Variants in MYOF observed in about 807,000 individuals in gnomAD.
The protein encoded by MYOF is myoferlin.
MYOF carries 244 observed loss-of-function variants against 284.2 expected under a neutral mutation model. The ratio of observed to expected loss-of-function variants is 0.86; its 90% CI spans 0.77 to 0.95. The LOEUF is 0.95. Among genes scored for constraint, MYOF ranks in the 40% least tolerant of loss-of-function variants. The probability of loss-of-function intolerance (pLI) is 0.00; values close to 1 mark genes in which losing one functional copy is unlikely to be tolerated. For synonymous variants in MYOF, 904 were observed against 919.7 expected, an observed-to-expected ratio of 0.98 and a Z score of 0.31; for missense variants, 2,496 against 2,560.6, an observed-to-expected ratio of 0.97 and a Z score of 0.54.
chr10:93,421,637 A>C (rs1848361442), intron 5 of MYOF, among the ~76,000 whole-genome samples: 1 of 152,102 alleles, frequency 6.6e-6, no homozygotes, highest in Non-Finnish European at 1.5e-5. Flanking sequence ...TGGTTGTTTA[A>C]AAGAGAGTGG....
intron 17 of MYOF, among the ~76,000 whole-genome samples, chr10:93,392,377 TAGG>T (rs1846739546): frequency 6.6e-6 from 1 of 152,162 alleles, no homozygotes; most frequent in Non-Finnish European, 1.5e-5. Context: ...ACATCTGCCC[TAGG>T]AGAATTGTGA....
intron 5 of MYOF, among the ~76,000 whole-genome samples, chr10:93,423,695 T>C (rs1589545497): frequency 6.6e-6 from 1 of 150,748 alleles, no homozygotes; most frequent in Non-Finnish European, 1.5e-5. Flanking sequence ...TAGCTGGACG[T>C]GGTGGCGGGC....
intron 5 of MYOF, among the ~76,000 whole-genome samples, chr10:93,412,924 C>T (rs1263803866): frequency 1.3e-5 from 2 of 152,132 alleles, no homozygotes; most frequent in African/African-American, 4.8e-5. Flanking sequence ...GTAAACCTGT[C>T]CTGGACCGAG....
intron 5 of MYOF, among the ~76,000 whole-genome samples, chr10:93,410,733 G>C (rs1589526227): frequency 1.3e-5 from 2 of 152,204 alleles, no homozygotes; most frequent in Non-Finnish European, 2.9e-5. Context: ...AGAGAGCCTA[G>C]AAGACAAGCC....
chr10:93,316,934 C>T, intron 49 of MYOF, 121 bp from the exon 50 acceptor site: 2 of 722,532 alleles, frequency 2.8e-6, no homozygotes, highest in South Asian at 1.7e-5. Flanking sequence ...CTCCCTTGGG[C>T]CTAAATCCTT....
At chr10:93,453,488 AG>A (rs1158741994) in intron 2 of MYOF, among the ~76,000 whole-genome samples, 5 of 152,132 alleles carry the variant, frequency 3.3e-5, no homozygotes, top group Non-Finnish European at 7.4e-5. Flanking sequence ...TAATAGAAAC[AG>A]GGTTTCACCA....
chr10:93,393,534 GTTC>G (rs1672927453), intron 16 of MYOF, among the ~76,000 whole-genome samples: 1 of 152,188 alleles, frequency 6.6e-6, no homozygotes, highest in Admixed American at 6.5e-5. Flanking sequence ...TCTGTTTTTA[GTTC>G]TTCTGGATGT....
intron 3 of MYOF, among the ~76,000 whole-genome samples, chr10:93,449,744 G>T (rs922896809): frequency 2.0e-5 from 3 of 152,048 alleles, no homozygotes; most frequent in Non-Finnish European, 4.4e-5. Context: ...TTCCACCTCA[G>T]CCTCCCAAAG....
At chr10:93,446,337 G>T (rs1463112797) in intron 3 of MYOF, among the ~76,000 whole-genome samples, 1 of 152,218 alleles carries the variant, frequency 6.6e-6, no homozygotes, top group Non-Finnish European at 1.5e-5. Context: ...ACTCCTTCAA[G>T]TAAGTCACTG....
intron 1 of MYOF, among the ~76,000 whole-genome samples, chr10:93,470,558 T>C (rs911748474): frequency 6.6e-6 from 1 of 151,938 alleles, no homozygotes; most frequent in Non-Finnish European, 1.5e-5. Flanking sequence ...CCCAACACCA[T>C]GCCTGGCTAA....
At chr10:93,442,880 G>A (rs1462417652) in intron 3 of MYOF, among the ~76,000 whole-genome samples, 2 of 152,050 alleles carry the variant, frequency 1.3e-5, no homozygotes, top group African/African-American at 4.8e-5. Flanking sequence ...AACACTCAGC[G>A]GGGCACGGTG....
chr10:93,450,296 G>A (rs2488104), intron 3 of MYOF, among the ~76,000 whole-genome samples: 99,815 of 152,092 alleles, frequency 0.66, 33,079 homozygotes, highest in East Asian at 0.77. Context: ...GGAGGCTGAG[G>A]CAGGAGAATC....
At chr10:93,478,135 A>G in intron 1 of MYOF, 1 of 166,090 alleles carries the variant, frequency 6.0e-6, no homozygotes, top group Non-Finnish European at 1.2e-5. Flanking sequence ...AATTTTAGAA[A>G]TTAAAAATAT....
intron 12 of MYOF, 66 bp downstream of exon 12, chr10:93,401,352 G>T: frequency 1.3e-6 from 2 of 1,585,136 alleles, no homozygotes; most frequent in South Asian, 1.2e-5. Flanking sequence ...ATTAAAGTTT[G>T]ATTTTTAACA....
chr10:93,379,883 G>C lies in MYOF; in HGVS notation c.1981C>G (p.Leu661Val). The change falls in exon 21 of 54, where the codon CTA becomes GTA. Residue 661 changes from leucine to valine, a missense_variant. Leu to Val is a conservative substitution (Grantham distance 32). Around this residue, in one of 3 missense-constraint regions of MYOF, gnomAD observed 2,436 missense variants for 2,480.7 expected, o/e 0.98. Coordinates refer to ENST00000359263, the MANE Select transcript of MYOF (RefSeq NM_013451.4). The part of the protein sequence containing the change: ...SHRLDAVNTL[L>V]AMAERLQTNI... Reference sequence around the variant, plus strand: ...CTTACCAGCCGTTCTGCCATAGCTAGGAGAGTGTTCACCGCATCCAGGCGA... The same window carrying C: ...CTTACCAGCCGTTCTGCCATAGCTACGAGAGTGTTCACCGCATCCAGGCGA... 6.2e-7 allele frequency: 1 copy of C among 1,614,080 alleles called. No homozygotes were observed. Among genetic ancestry groups the C allele is most frequent in the Non-Finnish European group, 8.5e-7 (1 of 1,179,962 alleles).
At chr10:93,464,999 A>G (rs1453802892) in intron 1 of MYOF, among the ~76,000 whole-genome samples, 1 of 152,128 alleles carries the variant, frequency 6.6e-6, no homozygotes, top group East Asian at 1.9e-4. Flanking sequence ...CCTGAACCAC[A>G]CCCATACATG....
chr10:93,463,764 C>T (rs893516278), intron 1 of MYOF, among the ~76,000 whole-genome samples: 1 of 150,220 alleles, frequency 6.7e-6, no homozygotes, highest in Non-Finnish European at 1.5e-5. Flanking sequence ...CCCAGCTACT[C>T]AGGAGGCTGA....
intron 41 of MYOF, among the ~76,000 whole-genome samples, chr10:93,334,842 T>C (rs538958719): frequency 2.6e-5 from 4 of 152,248 alleles, no homozygotes; most frequent in South Asian, 4.2e-4. Context: ...TCTTGTGCCA[T>C]ATGTGATTGC....
chr10:93,394,189 C>T (rs960908751), intron 16 of MYOF, among the ~76,000 whole-genome samples: 2 of 152,074 alleles, frequency 1.3e-5, no homozygotes, highest in Non-Finnish European at 2.9e-5. Context: ...GCAACCTCCA[C>T]CTCCAGGATT....
Sources: gnomAD v4.1 joint callset for allele counts (sites outside exome capture counted in the v4.1 genomes callset) on GRCh38, gnomAD v4.1.1 for gene constraint, gnomAD v4.1.1 regional missense constraint, MANE v1.5 for transcripts, NCBI Gene and HGNC (gene_info 2026-07-23, HGNC 2026-07-21) for gene names.